Variants in CSMD1 observed in about 807,000 individuals in gnomAD.
CSMD1 encodes CUB and sushi domain-containing protein 1.
CSMD1 carries 213 observed loss-of-function variants against 417.5 expected under a neutral mutation model. That is an observed-to-expected ratio of 0.51 (90% confidence interval 0.46 to 0.57). The LOEUF (loss-of-function observed/expected upper bound fraction) is 0.57. CSMD1 is among the 20% of genes least tolerant of loss of function. CSMD1 has a pLI of 0.00. For missense variants in CSMD1, 6,923 were observed against 4,529.7 expected (o/e 1.53, Z -15.17); for synonymous variants, 2,862 against 1,736.8 (o/e 1.65, Z -16.11).
intron 1 of CSMD1, among the ~76,000 whole-genome samples, chr8:4,714,246 G>C (rs1015300919): frequency 6.6e-6 from 1 of 152,162 alleles, no homozygotes. Context: ...CTCCCTGAGA[G>C]TCAGCAGAAA....
chr8:4,071,830 G>A (rs574196983), intron 3 of CSMD1, among the ~76,000 whole-genome samples: 11 of 152,088 alleles, frequency 7.2e-5, no homozygotes, highest in Non-Finnish European at 1.2e-4. Flanking sequence ...CTGTTGTGGG[G>A]GGGTGGTGTG....
intron 3 of CSMD1, among the ~76,000 whole-genome samples, chr8:4,193,762 A>T (rs941494650): frequency 9.2e-5 from 14 of 152,130 alleles, no homozygotes; most frequent in African/African-American, 2.9e-4. Context: ...TTTGGCTGGC[A>T]AGTTATGGAA....
chr8:3,147,153 A>G (rs1315164403), intron 40 of CSMD1, among the ~76,000 whole-genome samples: 1 of 152,226 alleles, frequency 6.6e-6, no homozygotes, highest in Non-Finnish European at 1.5e-5. Flanking sequence ...ATGTTCAGAT[A>G]CTAGAGATAC....
intron 11 of CSMD1, among the ~76,000 whole-genome samples, chr8:3,483,863 C>T (rs927373940): frequency 1.3e-5 from 2 of 152,080 alleles, no homozygotes; most frequent in Non-Finnish European, 2.9e-5. Context: ...ATGTCATCCA[C>T]CATTAGAAGA....
chr8:3,262,163 T>G (rs1298359860), intron 26 of CSMD1, among the ~76,000 whole-genome samples: 44 of 135,392 alleles, frequency 3.2e-4, no homozygotes, highest in African/African-American at 1.2e-3. Flanking sequence ...ACCATTTTAT[T>G]TCTAAAATTA....
intron 1 of CSMD1, among the ~76,000 whole-genome samples, chr8:4,822,075 T>C (rs1386303149): frequency 6.6e-6 from 1 of 152,062 alleles, no homozygotes; most frequent in Non-Finnish European, 1.5e-5. Context: ...TCCTTTCTTT[T>C]CGGGTTCAGT....
chr8:4,711,393 C>T (rs1808287128), intron 1 of CSMD1, among the ~76,000 whole-genome samples: 1 of 152,044 alleles, frequency 6.6e-6, no homozygotes, highest in Non-Finnish European at 1.5e-5. Flanking sequence ...GCATAGTTTT[C>T]GTACCAGTGA....
chr8:3,654,350 T>C (rs1227874619), intron 7 of CSMD1, among the ~76,000 whole-genome samples: 2 of 152,194 alleles, frequency 1.3e-5, no homozygotes, highest in Non-Finnish European at 2.9e-5. Context: ...AAGTTTGATG[T>C]CACATTGAAA....
chr8:3,360,135 A>G (rs547024486), intron 20 of CSMD1, among the ~76,000 whole-genome samples: 22 of 152,304 alleles, frequency 1.4e-4, no homozygotes, highest in African/African-American at 5.1e-4. Flanking sequence ...GGAACAGTGG[A>G]ATTTTCCTCT....
chr8:4,921,775 C>A (rs1806514996), intron 1 of CSMD1, among the ~76,000 whole-genome samples: 1 of 152,054 alleles, frequency 6.6e-6, no homozygotes, highest in Non-Finnish European at 1.5e-5. Flanking sequence ...CTCCACCAGC[C>A]ATTTTTTTCT....
At chr8:3,923,186 C>T (rs1809399990) in intron 5 of CSMD1, among the ~76,000 whole-genome samples, 1 of 152,114 alleles carries the variant, frequency 6.6e-6, no homozygotes, top group Admixed American at 6.6e-5. Flanking sequence ...CATCAGTGCA[C>T]TAATGAGTGG....
Position 3,777,255 on chromosome 8 carries a change from G to C in CSMD1, c.819-23213C>G, listed in dbSNP as rs146330875. On this transcript the variant is annotated intron_variant, in intron 5 of 69. Transcript: ENST00000635120. ...ATGAGCTCCTTAAGGGCAGGGGTTT[G>C]TCTGCTTGATTTCTGCTTGGTGCAC... Among the ~76,000 whole-genome samples the C allele has an allele frequency of 1.9e-4, 29 of 152,086 alleles. No individual in the cohort carries two copies. The East Asian group carries it at 5.1e-3, about 27-fold the overall frequency.
At chr8:2,940,272 C>T (rs1801776169) in intron 69 of CSMD1, among the ~76,000 whole-genome samples, 1 of 152,144 alleles carries the variant, frequency 6.6e-6, no homozygotes, top group Admixed American at 6.6e-5. Flanking sequence ...TCCACCATCC[C>T]TCGCTCCTAT....
Position 4,199,682 on chromosome 8 carries a change from G to A in CSMD1, c.416-167583C>T, listed in dbSNP as rs561827337. 2.0e-5 allele frequency among the ~76,000 whole-genome samples: 3 copies of A among 152,246 alleles called. No homozygotes were observed. In the South Asian group the frequency reaches 6.2e-4, roughly 32 times the overall value. The stretch of plus-strand genomic sequence containing the variant: ...TGTATGAGGCTGGACAGGCAAGGCA[G>A]TCCAGATTTAATATTGTTAATCCAG... On this transcript the variant is annotated intron_variant, in intron 3 of 69. Transcript: ENST00000635120.
In CSMD1 at chr8:3,985,682, C is replaced by A. The variant is rs567510488; in HGVS notation, c.818+12221G>T. Among the ~76,000 whole-genome samples the A allele has an allele frequency of 7.9e-5, 12 of 152,110 alleles. No homozygotes were observed. In the South Asian group the frequency reaches 2.5e-3, roughly 32 times the overall value. ...TAGGTTGATGCTAGAATTCTCATTA[C>A]AACCTCCAAGAATCAAGTAACAACT... On this transcript the variant is annotated intron_variant, in intron 5 of 69. Coordinates refer to ENST00000635120, the MANE Select transcript of CSMD1 (RefSeq NM_033225.6).
In CSMD1 at chr8:4,821,540, G is replaced by A. The variant is rs561333019; in HGVS notation, c.85+172792C>T. ...GAAATATCTTACAGTACAACACAAA[G>A]AAAACTTAAAGCATCATTGAAATCC... On this transcript the variant is annotated intron_variant, in intron 1 of 69. Coordinates refer to ENST00000635120, the MANE Select transcript of CSMD1 (RefSeq NM_033225.6). Among the ~76,000 whole-genome samples the A allele has an allele frequency of 1.1e-4, 16 of 152,178 alleles. No homozygotes were observed. The South Asian group carries it at 3.3e-3, about 32-fold the overall frequency.
intron 10 of CSMD1, among the ~76,000 whole-genome samples, chr8:3,521,326 T>C (rs1327671246): frequency 6.6e-6 from 1 of 152,120 alleles, no homozygotes; most frequent in Non-Finnish European, 1.5e-5. Context: ...TCACATGTCT[T>C]TTCACCTCTG....
chr8:3,783,228 G>C (rs986042081), intron 5 of CSMD1, among the ~76,000 whole-genome samples: 93 of 152,160 alleles, frequency 6.1e-4, no homozygotes, highest in Admixed American at 1.7e-3. Context: ...GCAGTGCATG[G>C]TCAGGCCGAT....
chr8:2,958,690 T>C (rs1338922837), intron 62 of CSMD1, among the ~76,000 whole-genome samples: 1 of 152,216 alleles, frequency 6.6e-6, no homozygotes, highest in Non-Finnish European at 1.5e-5. Flanking sequence ...TTTGCACTCA[T>C]CCCAGCTTGG....
Sources: gnomAD v4.1 joint callset for allele counts (sites outside exome capture counted in the v4.1 genomes callset) on GRCh38, gnomAD v4.1.1 for gene constraint, MANE v1.5 for transcripts, NCBI Gene and HGNC (gene_info 2026-07-23, HGNC 2026-07-21) for gene names.